OTUD7A: variants seen among roughly 807,000 people sequenced by gnomAD.
OTUD7A encodes OTU domain-containing protein 7A.
Under a neutral mutation model 65.7 loss-of-function variants are expected in OTUD7A, and 12 were observed. That is an observed-to-expected ratio of 0.18 (90% CI 0.12 to 0.30). The LOEUF (loss-of-function observed/expected upper bound fraction) is 0.30. Among genes scored for constraint, OTUD7A ranks in the 10% least tolerant of loss-of-function variants. OTUD7A has a pLI of 1.00. For missense variants in OTUD7A, 1,148 were observed against 1,304.8 expected, an observed-to-expected ratio of 0.88 and a Z score of 1.85; for synonymous variants, 641 against 586.3, an observed-to-expected ratio of 1.09 and a Z score of -1.35.
chr15:31,664,386 T>C (rs1892260931), intron 1 of OTUD7A, among the ~76,000 whole-genome samples: 1 of 152,012 alleles, frequency 6.6e-6, no homozygotes, highest in Non-Finnish European at 1.5e-5. Context: ...TGGTATTACA[T>C]TGTGGTTTTG....
At chr15:31,627,550 T>C (rs1366419682) in intron 3 of OTUD7A, among the ~76,000 whole-genome samples, 1 of 152,106 alleles carries the variant, frequency 6.6e-6, no homozygotes, top group Non-Finnish European at 1.5e-5. Flanking sequence ...GCAATAAACA[T>C]ACGTGTGCAT....
chr15:31,625,205 G>C (rs1001258177), intron 3 of OTUD7A, among the ~76,000 whole-genome samples: 1 of 152,164 alleles, frequency 6.6e-6, no homozygotes, highest in Non-Finnish European at 1.5e-5. Context: ...AGTGGGGATG[G>C]AAGAAGGTCC....
intron 1 of OTUD7A, among the ~76,000 whole-genome samples, chr15:31,686,777 C>T (rs1215463486): frequency 6.6e-6 from 1 of 152,298 alleles, no homozygotes; most frequent in South Asian, 2.1e-4. Context: ...TCAAGCTCAG[C>T]CCGACAAGAA....
intron 6 of OTUD7A, among the ~76,000 whole-genome samples, 162 bp downstream of exon 6, chr15:31,530,545 A>G (rs60349852): frequency 0.028 from 4,310 of 152,370 alleles, 224 homozygotes; most frequent in African/African-American, 0.099. Flanking sequence ...AAGAAGGGCC[A>G]GGATTGTTGG....
chr15:31,566,344 G>C (rs1888874314), intron 4 of OTUD7A, among the ~76,000 whole-genome samples: 1 of 152,146 alleles, frequency 6.6e-6, no homozygotes, highest in Non-Finnish European at 1.5e-5. Context: ...TAAGGCAAGT[G>C]ATATGTGGGA....
intron 5 of OTUD7A, among the ~76,000 whole-genome samples, chr15:31,553,896 T>G (rs1035974410): frequency 6.6e-6 from 1 of 152,058 alleles, no homozygotes; most frequent in East Asian, 1.9e-4. Flanking sequence ...ATCTGTCAGA[T>G]GTGAATCAAG....
At chr15:31,620,991 A>G (rs1890761082) in intron 3 of OTUD7A, among the ~76,000 whole-genome samples, 1 of 144,822 alleles carries the variant, frequency 6.9e-6, no homozygotes, top group Non-Finnish European at 1.5e-5. Context: ...GGTTTCAAAG[A>G]ACATCTTTAT....
chr15:31,825,691 G>A (rs189258560), intron 1 of OTUD7A, among the ~76,000 whole-genome samples: 1 of 152,292 alleles, frequency 6.6e-6, no homozygotes, highest in African/African-American at 2.4e-5. Flanking sequence ...ACAATCCAAA[G>A]TCTCATCTGA....
chr15:31,665,746 G>T (rs1892300804), intron 1 of OTUD7A, among the ~76,000 whole-genome samples: 1 of 152,180 alleles, frequency 6.6e-6, no homozygotes, highest in Admixed American at 6.5e-5. Context: ...AGTTCTCAGA[G>T]GGAAGCTTTC....
In OTUD7A at chr15:31,483,304, G is replaced by A; in HGVS notation, c.2792C>T (p.Ala931Val). ...ELRRRREARG[A>V]RP ...GCCGCGCCGCGCCGCTCAGGGCCGG[G>A]CCCCGCGCGCCTCGCGCCGCCGCCG... is the stretch of plus-strand genomic sequence containing the variant. The change falls in exon 13 of 13, where the codon GCC (alanine) becomes GTC (valine). Residue 931 changes from alanine to valine, a missense_variant. This residue lies in a region of OTUD7A where 842 missense variants were observed against 769.5 expected (regional missense o/e 1.09). Coordinates refer to ENST00000307050, the MANE Select transcript of OTUD7A (RefSeq NM_001382637.1). The A allele has an allele frequency of 1.7e-6, 2 of 1,181,100 alleles. No homozygotes were observed. Among genetic ancestry groups the A allele is most frequent in the South Asian group, 2.9e-5 (1 of 34,954 alleles). The allele number at this position is 1,181,100 out of a possible 1,614,324, so 73.2% of individuals were successfully genotyped here.
intron 5 of OTUD7A, among the ~76,000 whole-genome samples, chr15:31,542,824 CA>C (rs538820671): frequency 0.086 from 11,395 of 131,946 alleles, 1,346 homozygotes; most frequent in African/African-American, 0.28. Flanking sequence ...AAGAAGAAGC[CA>C]AAAAAAAAAA....
intron 8 of OTUD7A, among the ~76,000 whole-genome samples, chr15:31,524,151 T>TC (rs892856487): frequency 2.6e-5 from 4 of 151,988 alleles, no homozygotes; most frequent in African/African-American, 4.8e-5. Flanking sequence ...TTTTTTTTTT[T>TC]CCCTTTTTCT....
chr15:31,488,033 C>A (rs2041265197), intron 10 of OTUD7A, among the ~76,000 whole-genome samples: 1 of 152,192 alleles, frequency 6.6e-6, no homozygotes, highest in African/African-American at 2.4e-5. Flanking sequence ...TGCCACAAGT[C>A]TGTATCAGTG....
chr15:31,695,817 C>T (rs1432901539), intron 1 of OTUD7A, among the ~76,000 whole-genome samples: 1 of 150,344 alleles, frequency 6.7e-6, no homozygotes, highest in East Asian at 2.2e-4. Context: ...TTGGCTTGGG[C>T]CTTAAACTCT....
intron 1 of OTUD7A, among the ~76,000 whole-genome samples, chr15:31,694,968 C>A (rs1476882079): frequency 2.0e-5 from 3 of 152,042 alleles, no homozygotes; most frequent in Non-Finnish European, 4.4e-5. Context: ...GCCTCAGCCT[C>A]CTGAGTAGCT....
intron 8 of OTUD7A, among the ~76,000 whole-genome samples, chr15:31,521,950 A>C (rs1360370442): frequency 6.6e-6 from 1 of 152,220 alleles, no homozygotes; most frequent in Non-Finnish European, 1.5e-5. Flanking sequence ...TTCTTTTAAA[A>C]GTTTAAAGAA....
chr15:31,785,419 A>G (rs1169200439), intron 1 of OTUD7A, among the ~76,000 whole-genome samples: 1 of 152,228 alleles, frequency 6.6e-6, no homozygotes. Flanking sequence ...CTCCAAGATT[A>G]TACTAGCTTT....
At chr15:31,864,048 G>C (rs564412101) in intron 1 of OTUD7A, among the ~76,000 whole-genome samples, 1 of 152,160 alleles carries the variant, frequency 6.6e-6, no homozygotes, top group Admixed American at 6.5e-5. Flanking sequence ...CAGTCTCTTC[G>C]CTAAAACATA....
rs398026753 is a variant in OTUD7A, at chr15:31,564,387, G to GTTTTTTTTTTTTTTTTTTT, written c.332-5201_332-5200insAAAAAAAAAAAAAAAAAAA. On this transcript the variant is annotated intron_variant, in intron 4 of 12. Coordinates refer to ENST00000307050, the MANE Select transcript of OTUD7A (RefSeq NM_001382637.1). ...TTTTTGGAAGTAGTCTTTGAGGAAG[G>GTTTTTTTTTTTTTTTTTTT]TTTTTTTTTTTTTAGCAAAAGAGAA... is the stretch of plus-strand genomic sequence containing the variant. 6.5e-3 allele frequency among the ~76,000 whole-genome samples: 782 copies of GTTTTTTTTTTTTTTTTTTT among 119,590 alleles called. 36 individuals are homozygous for GTTTTTTTTTTTTTTTTTTT. Among genetic ancestry groups the GTTTTTTTTTTTTTTTTTTT allele is most frequent in the African/African-American group, 0.02 (701 of 34,734 alleles). The allele number at this position is 119,590 out of a possible 152,430, so 78.5% of individuals were successfully genotyped here. A position where few individuals can be genotyped will look rare whatever the true frequency, so the allele number is the denominator to read the frequency against.
Sources: gnomAD v4.1 joint callset for allele counts (sites outside exome capture counted in the v4.1 genomes callset) on GRCh38, gnomAD v4.1.1 for gene constraint, gnomAD v4.1.1 regional missense constraint, MANE v1.5 for transcripts, NCBI Gene and HGNC (gene_info 2026-07-23, HGNC 2026-07-21) for gene names.